Variants in TJP2 observed in about 807,000 individuals in gnomAD.
The protein encoded by TJP2 is tight junction protein 2.
TJP2 carries 91 observed loss-of-function variants against 133.1 expected under a neutral mutation model. That is an observed-to-expected ratio of 0.68 (90% CI 0.58 to 0.81). The LOEUF (loss-of-function observed/expected upper bound fraction) is 0.81, where lower values mean the gene tolerates loss of function less well. TJP2 is among the 40% of genes least tolerant of loss of function. TJP2 has a pLI of 0.00. For missense variants in TJP2, 1,541 were observed against 1,565.6 expected, an observed-to-expected ratio of 0.98 and a Z score of 0.26; for synonymous variants, 592 against 583.4, an observed-to-expected ratio of 1.01 and a Z score of -0.21.
chr9:69,234,587 TG>T, intron 12 of TJP2, 40 bp downstream of exon 12: 1 of 283,048 alleles, frequency 3.5e-6, no homozygotes. Context: ...GGGGTGGGGG[TG>T]GGGAGTGGGA....
intron 10 of TJP2, among the ~76,000 whole-genome samples, chr9:69,229,559 T>G (rs1345890043): frequency 6.6e-6 from 1 of 152,216 alleles, no homozygotes; most frequent in Non-Finnish European, 1.5e-5. Flanking sequence ...GTGAAGTATT[T>G]ATTGCTAAAC....
intron 1 of TJP2, among the ~76,000 whole-genome samples, chr9:69,140,170 G>A (rs1033871935): frequency 1.1e-4 from 16 of 152,182 alleles, no homozygotes; most frequent in Non-Finnish European, 2.1e-4. Flanking sequence ...GGGATTCAAC[G>A]AAAGAAAGCT....
At chr9:69,202,464 C>T (rs911923102) in intron 1 of TJP2, among the ~76,000 whole-genome samples, 1 of 152,162 alleles carries the variant, frequency 6.6e-6, no homozygotes, top group African/African-American at 2.4e-5. Context: ...AGTGCCGACC[C>T]TCACACAGTC....
At chr9:69,141,777 CAG>C in intron 1 of TJP2, among the ~76,000 whole-genome samples, 1 of 152,080 alleles carries the variant, frequency 6.6e-6, no homozygotes, top group South Asian at 2.1e-4. Flanking sequence ...TTAGTACAGA[CAG>C]AGTTTCACCA....
intron 2 of TJP2, among the ~76,000 whole-genome samples, chr9:69,152,626 T>A (rs566688701): frequency 6.6e-6 from 1 of 152,084 alleles, no homozygotes; most frequent in Admixed American, 6.5e-5. Context: ...AGATCCTTCA[T>A]CTGTAAAAAG....
At chr9:69,152,867 G>T (rs1823552448) in intron 2 of TJP2, among the ~76,000 whole-genome samples, 1 of 109,732 alleles carries the variant, frequency 9.1e-6, no homozygotes, top group African/African-American at 3.6e-5. Flanking sequence ...GTCTCGCTCT[G>T]TCGCCCAGGC....
upstream of TJP2, chr9:69,174,200 C>A (rs974362066): frequency 7.7e-7 from 1 of 1,293,634 alleles, no homozygotes; most frequent in East Asian, 3.2e-5. Flanking sequence ...GGCGGGCTGA[C>A]GCCGCCGCCG....
chr9:69,244,109 G>T (rs563751480), intron 17 of TJP2, among the ~76,000 whole-genome samples: 1 of 150,880 alleles, frequency 6.6e-6, no homozygotes, highest in Non-Finnish European at 1.5e-5. Flanking sequence ...ACTTAAGCCC[G>T]GGAGCTGGAG....
At chr9:69,187,868 G>A (rs954720758) in intron 1 of TJP2, among the ~76,000 whole-genome samples, 2 of 152,202 alleles carry the variant, frequency 1.3e-5, no homozygotes, top group African/African-American at 4.8e-5. Flanking sequence ...AGACTGGAAT[G>A]TGATAAGCAC....
intron 1 of TJP2, among the ~76,000 whole-genome samples, chr9:69,208,414 C>T (rs148712876): frequency 6.6e-6 from 1 of 152,082 alleles, no homozygotes; most frequent in African/African-American, 2.4e-5. Context: ...GGAGATTAAT[C>T]GTCTCTCTGA....
chr9:69,226,630 C>T (rs2133318293), intron 7 of TJP2, among the ~76,000 whole-genome samples: 1 of 152,232 alleles, frequency 6.6e-6, no homozygotes, highest in Non-Finnish European at 1.5e-5. Flanking sequence ...TCCTGAGTAG[C>T]TGGGATTATG....
In TJP2 at chr9:69,163,795, TA is replaced by T. The variant is rs376563076; in HGVS notation, c.-10+12027del. Among the ~76,000 whole-genome samples, 21 of 152,324 alleles carry T rather than the reference TA, an allele frequency of 1.4e-4. No individual in the cohort carries two copies. The South Asian group carries it at 4.1e-3, about 30-fold the overall frequency. On this transcript the variant is annotated intron_variant, in intron 2 of 5. Coordinates refer to the TJP2 transcript ENST00000423935. ...GCCCAGCTGCAAATAATTATTTTTTTAAACTTCAAAATGTTTTACCTGACTT... is the reference window on the plus strand; with the variant it reads ...GCCCAGCTGCAAATAATTATTTTTTTAACTTCAAAATGTTTTACCTGACTT...
Position 69,135,519 on chromosome 9 carries a change from C to T in TJP2, c.-131+13794C>T, listed in dbSNP as rs571638067. Reference sequence around the variant, plus strand: ...ACAGTGACACGATCTCAGCTCACTGCAACCTCTGCCTCCCGGATTCAGGTG... The same window carrying T: ...ACAGTGACACGATCTCAGCTCACTGTAACCTCTGCCTCCCGGATTCAGGTG... On this transcript the variant is annotated intron_variant, in intron 1 of 5. Transcript: ENST00000423935. 1.4e-4 allele frequency among the ~76,000 whole-genome samples: 22 copies of T among 152,264 alleles called. No homozygotes were observed. In the South Asian group the frequency reaches 2.7e-3, roughly 19 times the overall value.
chr9:69,175,140 T>C (rs1043376418), intron 1 of TJP2, among the ~76,000 whole-genome samples: 15 of 152,142 alleles, frequency 9.9e-5, no homozygotes, highest in African/African-American at 3.6e-4. Flanking sequence ...AACTTGGGAG[T>C]GAGTGCTCCC....
intron 1 of TJP2, 67 bp downstream of exon 1, chr9:69,174,499 G>A: frequency 7.0e-7 from 1 of 1,424,780 alleles, no homozygotes; most frequent in Non-Finnish European, 9.7e-7. Flanking sequence ...AGCGCTGGGG[G>A]CTCTGCTCGC....
chr9:69,151,772 G>A lies in TJP2; in HGVS notation c.-10+1G>A. 1 of 1,232,098 alleles carries A rather than the reference G, an allele frequency of 8.1e-7. No homozygotes were observed. Among genetic ancestry groups the A allele is most frequent in the Non-Finnish European group, 1.0e-6 (1 of 987,958 alleles). The allele number at this position is 1,232,098 out of a possible 1,614,324, so 76.3% of individuals were successfully genotyped here. On this transcript the variant is annotated splice_donor_variant, in intron 2 of 5. Coordinates refer to the TJP2 transcript ENST00000423935. LOFTEE classifies it low-confidence loss of function (5UTR_SPLICE). ...ACCAGTACACGGCCCACGTTGCCAG[G>A]TATTTGCTTATTTAATCTCTCATCA...
At chr9:69,151,515 A>T in intron 1 of TJP2, 2 of 853,182 alleles carry the variant, frequency 2.3e-6, no homozygotes, top group Non-Finnish European at 3.1e-6. Context: ...TGACAGTTGC[A>T]TAACTCTGTG....
At chr9:69,226,738 CT>C (rs1454023707) in intron 7 of TJP2, among the ~76,000 whole-genome samples, 2 of 152,326 alleles carry the variant, frequency 1.3e-5, no homozygotes, top group East Asian at 3.9e-4. Context: ...ACCTCGTGAT[CT>C]GCCCGTCTTG....
intron 5 of TJP2, among the ~76,000 whole-genome samples, chr9:69,224,784 CT>C (rs930424050): frequency 6.6e-6 from 1 of 151,458 alleles, no homozygotes; most frequent in Non-Finnish European, 1.5e-5. Flanking sequence ...TTTCCTCCTC[CT>C]TTTTTTTTCT....
Sources: gnomAD v4.1 joint callset for allele counts (sites outside exome capture counted in the v4.1 genomes callset) on GRCh38, gnomAD v4.1.1 for gene constraint, MANE v1.5 for transcripts, NCBI Gene and HGNC (gene_info 2026-07-23, HGNC 2026-07-21) for gene names.